The following PTPRD variants were observed in gnomAD, a reference collection of about 807,000 sequenced individuals.
PTPRD encodes receptor-type tyrosine-protein phosphatase delta.
Under a neutral mutation model 214.5 loss-of-function variants are expected in PTPRD, and 34 were observed. The ratio of observed to expected loss-of-function variants is 0.16; its 90% CI spans 0.12 to 0.21. The LOEUF (loss-of-function observed/expected upper bound fraction) is 0.21. PTPRD is among the 10% of genes least tolerant of loss of function. The probability of loss-of-function intolerance (pLI) is 1.00; values close to 1 mark genes in which losing one functional copy is unlikely to be tolerated. For synonymous variants in PTPRD, 1,128 were observed against 845.7 expected (o/e 1.33, Z -5.79); for missense variants, 2,545 against 2,398.7 (o/e 1.06, Z -1.27).
chr9:10,285,253 A>G (rs1247832905), intron 3 of PTPRD, among the ~76,000 whole-genome samples: 1 of 149,056 alleles, frequency 6.7e-6, no homozygotes, highest in Non-Finnish European at 1.5e-5. Flanking sequence ...AAACTTAGCA[A>G]AGAGACTACT....
intron 5 of PTPRD, among the ~76,000 whole-genome samples, chr9:9,919,428 T>C (rs577583335): frequency 4.6e-5 from 7 of 152,144 alleles, no homozygotes; most frequent in Admixed American, 2.0e-4. Flanking sequence ...GCAGAAGCTT[T>C]TCAGACACCT....
intron 2 of PTPRD, among the ~76,000 whole-genome samples, chr9:10,437,870 T>A (rs567178123): frequency 2.0e-5 from 3 of 150,786 alleles, no homozygotes; most frequent in African/African-American, 7.4e-5. Flanking sequence ...ATAGTGTCAG[T>A]AGATGAGGCC....
intron 3 of PTPRD, among the ~76,000 whole-genome samples, chr9:10,263,407 T>C (rs2498627): frequency 0.16 from 23,714 of 152,004 alleles, 1,923 homozygotes; most frequent in African/African-American, 0.19. Context: ...TTGGATGGCT[T>C]TGACCAAAAT....
At chr9:8,635,914 T>C (rs911017366) in intron 13 of PTPRD, among the ~76,000 whole-genome samples, 1 of 152,126 alleles carries the variant, frequency 6.6e-6, no homozygotes, top group African/African-American at 2.4e-5. Flanking sequence ...ATCAGCCTTC[T>C]CACAAACACT....
chr9:9,248,577 A>T (rs1360202897), intron 9 of PTPRD, among the ~76,000 whole-genome samples: 1 of 152,044 alleles, frequency 6.6e-6, no homozygotes, highest in African/African-American at 2.4e-5. Flanking sequence ...ATGATTGTTT[A>T]TATGTCATCT....
chr9:9,199,103 CTGA>C (rs2132205984), intron 9 of PTPRD, among the ~76,000 whole-genome samples: 1 of 152,178 alleles, frequency 6.6e-6, no homozygotes, highest in African/African-American at 2.4e-5. Context: ...TAGGGCTTCT[CTGA>C]TGATGAGTGC....
intron 12 of PTPRD, among the ~76,000 whole-genome samples, chr9:8,690,249 C>T (rs1010056503): frequency 5.9e-5 from 9 of 151,758 alleles, no homozygotes; most frequent in Non-Finnish European, 8.8e-5. Context: ...TAGATTTGGC[C>T]GGGTGCGGAG....
rs1320485818 is a variant in PTPRD at position 9,932,906 on chromosome 9, G to C, written c.-368+5601C>G. Among the ~76,000 whole-genome samples the C allele has an allele frequency of 3.1e-4, 43 of 136,672 alleles. 3 individuals carry two copies. The highest frequency in any genetic ancestry group is 1.0e-3 in the African/African-American group (40 of 38,700). 89.7% of individuals were successfully genotyped at this position (136,672 alleles called of 152,430 possible). A position where few individuals can be genotyped will look rare whatever the true frequency, so the allele number is the denominator to read the frequency against. Reference sequence around the variant, plus strand: ...GGCAGAAACCCTACCAGCCAGAAAAGAGTGGGGGCCAATATTCAACATTCT... The same window carrying C: ...GGCAGAAACCCTACCAGCCAGAAAACAGTGGGGGCCAATATTCAACATTCT... On this transcript the variant is annotated intron_variant, in intron 5 of 45. Coordinates refer to ENST00000381196, the MANE Select transcript of PTPRD (RefSeq NM_002839.4).
At chr9:10,404,285 A>C (rs535562711) in intron 2 of PTPRD, among the ~76,000 whole-genome samples, 3 of 151,910 alleles carry the variant, frequency 2.0e-5, no homozygotes, top group African/African-American at 7.2e-5. Flanking sequence ...TTCAGTTTCA[A>C]AGCCTCTGCA....
At chr9:8,733,750 A>G (rs2154434679) in intron 12 of PTPRD, 30 bp downstream of exon 12, 1 of 1,547,356 alleles carries the variant, frequency 6.5e-7, no homozygotes, top group Non-Finnish European at 8.7e-7. Context: ...TTATGGTCAC[A>G]GCCCCCTAGA....
intron 10 of PTPRD, among the ~76,000 whole-genome samples, chr9:9,052,626 C>T (rs1373046058): frequency 2.6e-5 from 4 of 152,150 alleles, no homozygotes; most frequent in African/African-American, 7.2e-5. Flanking sequence ...TGGACTTGAA[C>T]CATGGACTTT....
intron 35 of PTPRD, 57 bp downstream of exon 35, chr9:8,436,535 A>C (rs1590376553): frequency 7.3e-7 from 1 of 1,362,312 alleles, no homozygotes; most frequent in East Asian, 2.3e-5. Context: ...GAATATGGTC[A>C]AAAAAAGAGA....
chr9:8,608,220 T>C (rs1022547546), intron 14 of PTPRD, among the ~76,000 whole-genome samples: 3 of 152,036 alleles, frequency 2.0e-5, no homozygotes, highest in Non-Finnish European at 4.4e-5. Context: ...ATAATACAAA[T>C]AGTTGAACTA....
chr9:9,776,867 T>C (rs1274064023), intron 5 of PTPRD, among the ~76,000 whole-genome samples: 1 of 152,230 alleles, frequency 6.6e-6, no homozygotes, highest in Non-Finnish European at 1.5e-5. Context: ...ATTCGTTAAC[T>C]AGATAATAAC....
intron 10 of PTPRD, among the ~76,000 whole-genome samples, chr9:9,029,967 A>C (rs1212053601): frequency 6.6e-6 from 1 of 152,000 alleles, no homozygotes; most frequent in Non-Finnish European, 1.5e-5. Context: ...TCTTTGATGC[A>C]GAGCCAGGAA....
intron 9 of PTPRD, among the ~76,000 whole-genome samples, chr9:9,204,778 T>C (rs755002648): frequency 2.0e-5 from 3 of 152,200 alleles, no homozygotes; most frequent in African/African-American, 4.8e-5. Context: ...CTTGAAATTG[T>C]GCTAATATTA....
At chr9:9,603,448 A>T (rs1035333032) in intron 7 of PTPRD, among the ~76,000 whole-genome samples, 1 of 152,294 alleles carries the variant, frequency 6.6e-6, no homozygotes, top group African/African-American at 2.4e-5. Context: ...TAGGCTATAA[A>T]CCAGAGGTCC....
At chr9:8,803,425 C>G (rs1208104839) in intron 11 of PTPRD, among the ~76,000 whole-genome samples, 1 of 152,170 alleles carries the variant, frequency 6.6e-6, no homozygotes, top group Non-Finnish European at 1.5e-5. Context: ...CTCTTTGACA[C>G]TCCCTTTAGT....
At chr9:9,410,742 C>G (rs1365834548) in intron 8 of PTPRD, among the ~76,000 whole-genome samples, 1 of 152,128 alleles carries the variant, frequency 6.6e-6, no homozygotes, top group South Asian at 2.1e-4. Context: ...CACACTTACC[C>G]TAGGAGTTGA....
Sources: gnomAD v4.1 joint callset for allele counts (sites outside exome capture counted in the v4.1 genomes callset) on GRCh38, gnomAD v4.1.1 for gene constraint, MANE v1.5 for transcripts, NCBI Gene and HGNC (gene_info 2026-07-23, HGNC 2026-07-21) for gene names.